MDM2: variants seen among roughly 807,000 people sequenced by gnomAD.
MDM2 encodes MDM2 proto-oncogene, also known as E3 ubiquitin-protein ligase Mdm2.
MDM2 carries 11 observed loss-of-function variants against 64.3 expected under a neutral mutation model. The observed-to-expected ratio is 0.17, with a 90% CI of 0.11 to 0.28. The LOEUF (loss-of-function observed/expected upper bound fraction) is 0.28. MDM2 is among the 10% of genes least tolerant of loss of function. The pLI, the probability that MDM2 is intolerant of heterozygous loss-of-function variation, is 1.00. For synonymous variants in MDM2, 194 were observed against 192.9 expected, an observed-to-expected ratio of 1.01 and a Z score of -0.05; for missense variants, 388 against 577.1, an observed-to-expected ratio of 0.67 and a Z score of 3.36.
chr12:68,828,696 A>C, intron 7 of MDM2, 75 bp from the exon 8 acceptor site: 1 of 1,311,150 alleles, frequency 7.6e-7, no homozygotes, highest in Non-Finnish European at 1.1e-6. Flanking sequence ...AAGTTTCTGT[A>C]CAAATAGGTA....
At chr12:68,808,552 C>G in intron 1 of MDM2, 61 bp downstream of exon 1, 1 of 1,610,112 alleles carries the variant, frequency 6.2e-7, no homozygotes, top group South Asian at 1.1e-5. Context: ...TCCCCTCTAT[C>G]GCTGGTTCCC....
Position 68,841,530 on chromosome 12 carries a change from C to G in MDM2, c.*1681C>G, listed in dbSNP as rs530266874. On this transcript the variant is annotated 3_prime_UTR_variant, in exon 11 of 11. Transcript: ENST00000258149. ...ACTTGTTAAAGCCTCCTGAGTCTAA[C>G]CTAGATTACATCAGGCCCTTTTTCA... is the stretch of plus-strand genomic sequence containing the variant. The G allele has an allele frequency of 4.8e-6, 1 of 210,476 alleles. No homozygotes were observed. Among genetic ancestry groups the G allele is most frequent in the Non-Finnish European group, 9.6e-6 (1 of 103,850 alleles). The allele number at this position is 210,476 out of a possible 1,614,324, so 13.0% of individuals were successfully genotyped here. A position where few individuals can be genotyped will look rare whatever the true frequency, so the allele number is the denominator to read the frequency against.
At chr12:68,846,093 G>A (rs905626061), downstream of MDM2, 2 of 152,184 alleles carry the variant, frequency 1.3e-5, no homozygotes, top group African/African-American at 4.8e-5. Flanking sequence ...TGGAATTATA[G>A]GTGCTCGCCA....
chr12:68,830,585 A>T (rs1565742302), intron 8 of MDM2, among the ~76,000 whole-genome samples: 1 of 152,236 alleles, frequency 6.6e-6, no homozygotes, highest in Admixed American at 6.5e-5. Flanking sequence ...GAAAACATTT[A>T]ATAAATCCAG....
downstream of MDM2, chr12:68,847,528 A>C (rs1469830396): frequency 1.6e-5 from 2 of 128,702 alleles, no homozygotes; most frequent in African/African-American, 6.4e-5. Flanking sequence ...ATCTCGGCTC[A>C]CTGCAAGCTC....
intron 3 of MDM2, 118 bp downstream of exon 3, chr12:68,813,746 T>C: frequency 1.5e-6 from 1 of 687,734 alleles, no homozygotes; most frequent in East Asian, 2.6e-5. Context: ...AGCAGCAACA[T>C]TTAATTTTGT....
Position 68,842,459 on chromosome 12 carries a change from T to C in MDM2, c.*2610T>C, listed in dbSNP as rs1883855258. 3 of 421,648 alleles carry C rather than the reference T, an allele frequency of 7.1e-6. No individual in the cohort carries two copies. Among genetic ancestry groups the C allele is most frequent in the South Asian group, 1.9e-5 (1 of 53,660 alleles). 26.1% of individuals were successfully genotyped at this position (421,648 alleles called of 1,614,324 possible). A position where few individuals can be genotyped will look rare whatever the true frequency, so the allele number is the denominator to read the frequency against. On this transcript the variant is annotated 3_prime_UTR_variant, in exon 11 of 11. Transcript: ENST00000258149. ...CCTTTGGAGACTTAGAACCTCTAAA[T>C]TATTGACTTATTTTTTATATAAGGT...
At chr12:68,827,517 CTTTT>C (rs1418611391) in intron 7 of MDM2, among the ~76,000 whole-genome samples, 1 of 152,036 alleles carries the variant, frequency 6.6e-6, no homozygotes, top group African/African-American at 2.4e-5. Flanking sequence ...TGCCTTTTAA[CTTTT>C]GTTTGGTATT....
chr12:68,819,309 A>G (rs1343167578), intron 4 of MDM2, among the ~76,000 whole-genome samples: 1 of 152,234 alleles, frequency 6.6e-6, no homozygotes, highest in African/African-American at 2.4e-5. Context: ...TGTGACATCA[A>G]CGAATACTGG....
chr12:68,816,128 C>T (rs1393626439), intron 3 of MDM2, among the ~76,000 whole-genome samples: 1 of 152,062 alleles, frequency 6.6e-6, no homozygotes, highest in Non-Finnish European at 1.5e-5. Context: ...TGACTATTTA[C>T]TAAGTGGCTC....
intron 8 of MDM2, among the ~76,000 whole-genome samples, chr12:68,832,410 T>C (rs1283920622): frequency 6.6e-6 from 1 of 152,222 alleles, no homozygotes; most frequent in African/African-American, 2.4e-5. Flanking sequence ...TTAAGGTTCC[T>C]ACAACTAATT....
chr12:68,824,973 C>A (rs1882183993), intron 7 of MDM2, among the ~76,000 whole-genome samples: 1 of 152,140 alleles, frequency 6.6e-6, no homozygotes, highest in African/African-American at 2.4e-5. Flanking sequence ...CTTTGGGAGG[C>A]CGAGGCTGGC....
chr12:68,808,640 G>A, intron 1 of MDM2, 149 bp downstream of exon 1: 1 of 1,238,042 alleles, frequency 8.1e-7, no homozygotes, highest in East Asian at 2.6e-5. Flanking sequence ...TGGGGCACGT[G>A]GCTTTGCGGA....
chr12:68,822,764 G>A (rs113090278), intron 5 of MDM2, among the ~76,000 whole-genome samples: 1 of 132,940 alleles, frequency 7.5e-6, no homozygotes, highest in Non-Finnish European at 1.5e-5. Context: ...TTTTTGAGAT[G>A]GAGTCTCACT....
At position 68,842,370 on chromosome 12, in the gene MDM2, A is replaced by T. The variant is rs1231714790; in HGVS notation, c.*2521A>T. The T allele has an allele frequency of 2.0e-6, 1 of 494,276 alleles. No homozygotes were observed. Among genetic ancestry groups the T allele is most frequent in the South Asian group, 1.5e-5 (1 of 64,782 alleles). 30.6% of individuals were successfully genotyped at this position (494,276 alleles called of 1,614,324 possible). ...ATATAACAGTTAACAGGATGCAGAC[A>T]TGGCAGAGGTTTCCTAAAAATCTCA... On this transcript the variant is annotated 3_prime_UTR_variant, in exon 11 of 11. Transcript: ENST00000258149.
Position 68,842,393 on chromosome 12 carries a change from T to C in MDM2, c.*2544T>C. ...ACATGGCAGAGGTTTCCTAAAAATC[T>C]CATTATCTATAACCATTTCTATATT... On this transcript the variant is annotated 3_prime_UTR_variant, in exon 11 of 11. Transcript: ENST00000258149. 2.0e-6 allele frequency: 1 copy of C among 492,182 alleles called. No individual in the cohort carries two copies. Among genetic ancestry groups the C allele is most frequent in the Non-Finnish European group, 4.0e-6 (1 of 248,582 alleles). 30.5% of individuals were successfully genotyped at this position (492,182 alleles called of 1,614,324 possible). A position where few individuals can be genotyped will look rare whatever the true frequency, so the allele number is the denominator to read the frequency against.
Position 68,814,719 on chromosome 12 carries a change from C to T in MDM2, c.174+1091C>T, listed in dbSNP as rs144453194. Reference sequence around the variant, plus strand: ...GCTGATTCATGACCATATATTCTATCTAATGGTTCCAGCATTTTAATGCAT... The same window carrying T: ...GCTGATTCATGACCATATATTCTATTTAATGGTTCCAGCATTTTAATGCAT... On this transcript the variant is annotated intron_variant, in intron 3 of 10. Coordinates refer to ENST00000258149, the MANE Select transcript of MDM2 (RefSeq NM_002392.6). 341 of 211,614 alleles carry T rather than the reference C, an allele frequency of 1.6e-3. 3 individuals carry two copies. Among genetic ancestry groups the T allele is most frequent in the African/African-American group, 7.6e-3 (326 of 42,844 alleles). The allele number at this position is 211,614 out of a possible 1,614,324, so 13.1% of individuals were successfully genotyped here. A position where few individuals can be genotyped will look rare whatever the true frequency, so the allele number is the denominator to read the frequency against.
At chr12:68,819,371 A>T (rs141513892) in intron 4 of MDM2, among the ~76,000 whole-genome samples, 86 of 152,254 alleles carry the variant, frequency 5.6e-4, no homozygotes, top group African/African-American at 1.9e-3. Flanking sequence ...GGGCATATAC[A>T]TTTCTGTTTC....
intron 10 of MDM2, among the ~76,000 whole-genome samples, chr12:68,838,520 C>T (rs1883486841): frequency 3.3e-5 from 5 of 152,154 alleles, no homozygotes; most frequent in Admixed American, 3.3e-4. Context: ...AATGTTTTAG[C>T]ATTTCTCTTG....
Sources: gnomAD v4.1 joint callset for allele counts (sites outside exome capture counted in the v4.1 genomes callset) on GRCh38, gnomAD v4.1.1 for gene constraint, MANE v1.5 for transcripts, NCBI Gene and HGNC (gene_info 2026-07-23, HGNC 2026-07-21) for gene names.